GPS1: variants seen among roughly 807,000 people sequenced by gnomAD.
GPS1 encodes the protein G protein pathway suppressor 1.
In GPS1, 11 loss-of-function variants were observed where a neutral mutation model predicts 60.0. That is an observed-to-expected ratio of 0.18 (90% CI 0.12 to 0.30). GPS1 has a LOEUF of 0.30. Ranked by LOEUF, GPS1 falls within the 10% of genes least tolerant of loss-of-function variation. The pLI, the probability that GPS1 is intolerant of heterozygous loss-of-function variation, is 1.00. For missense variants in GPS1, 543 were observed against 669.2 expected (o/e 0.81, Z 2.08); for synonymous variants, 343 against 269.8 (o/e 1.27, Z -2.66).
At position 82,057,109 on chromosome 17, in the gene GPS1, G is replaced by A; in HGVS notation, c.1446G>A (p.Arg482=). 1.3e-6 allele frequency: 2 copies of A among 1,574,150 alleles called. No individual in the cohort carries two copies. Among genetic ancestry groups the A allele is most frequent in the Non-Finnish European group, 1.7e-6 (2 of 1,158,186 alleles). ...TGACTCCAGCCAACAGCCAGTCCCGGATGAGCACCAACATGTGAGGGGTGA... is the reference window on the plus strand; with the variant it reads ...TGACTCCAGCCAACAGCCAGTCCCGAATGAGCACCAACATGTGAGGGGTGA... ...GELTPANSQS[R]MSTNM Residue 482 remains arginine (R), a synonymous_variant, in exon 13 of 13, where the codon CGG becomes CGA. Transcript: ENST00000578552.
At position 82,055,192 on chromosome 17, in the gene GPS1, G is replaced by A; in HGVS notation, c.718G>A (p.Ala240Thr). 1.3e-6 allele frequency: 2 copies of A among 1,560,466 alleles called. No individual in the cohort carries two copies. The highest frequency in any genetic ancestry group is 1.7e-6 in the Non-Finnish European group (2 of 1,152,544). Residue 240 changes from alanine to threonine, a missense_variant, in exon 6 of 13, where the codon GCC (alanine) becomes ACC (threonine). By Grantham distance (58) the Ala-to-Thr change is moderately conservative. Around this residue, in one of 3 missense-constraint regions of GPS1, gnomAD observed 291 missense variants for 353.7 expected, o/e 0.82. Coordinates refer to ENST00000578552, the MANE Select transcript of GPS1 (RefSeq NM_001321092.3). Reference sequence around the variant, plus strand: ...AGGAGAGCGTGACAGCCAGACCCAGGCCATCCTCACCAAGCTCAAGTGTGC... The same window carrying A: ...AGGAGAGCGTGACAGCCAGACCCAGACCATCCTCACCAAGCTCAAGTGTGC... Reference protein sequence around the residue: ...QRGERDSQTQAILTKLKCAAG... With the variant: ...QRGERDSQTQTILTKLKCAAG...
rs768902661 is a variant in GPS1 at position 82,056,255 on chromosome 17, G to A, written c.930-31G>A. The stretch of plus-strand genomic sequence containing the variant: ...CCACTTGGAGGGAGGGGCAGGCAGA[G>A]GACAGAGTTCTGAGGGGTCTGCCTC... On this transcript the variant is annotated intron_variant, in intron 8 of 12. Coordinates refer to ENST00000578552, the MANE Select transcript of GPS1 (RefSeq NM_001321092.3). The A allele has an allele frequency of 4.7e-6, 7 of 1,496,294 alleles. No homozygotes were observed. The East Asian group carries it at 6.8e-5, about 14-fold the overall frequency. The allele number at this position is 1,496,294 out of a possible 1,614,324, so 92.7% of individuals were successfully genotyped here. A position where few individuals can be genotyped will look rare whatever the true frequency, so the allele number is the denominator to read the frequency against.
At chr17:82,052,184 C>CCGCCT in intron 1 of GPS1, 1 of 1,364,202 alleles carries the variant, frequency 7.3e-7, no homozygotes, top group Non-Finnish European at 9.9e-7. Flanking sequence ...CGCGCCCGCC[C>CCGCCT]CGCCTCCCCT....
rs767074207 is a variant in GPS1, at chr17:82,056,913, A to G, written c.1328A>G (p.Gln443Arg). 19 of 1,612,824 alleles carry G rather than the reference A, an allele frequency of 1.2e-5. No homozygotes were observed. Among genetic ancestry groups the G allele is most frequent in the Non-Finnish European group, 1.6e-5 (19 of 1,179,962 alleles). ...EKSLLMGKEF[Q>R]RRAKAMMLRA... is the part of the protein sequence containing the mutation. ...TCTCTGTTGATGGGCAAGGAGTTCC[A>G]GCGCCGCGCCAAGGCCATGATGCTG... The change falls in exon 12 of 13, where the codon CAG becomes CGG. Residue 443 changes from glutamine (Q) to arginine (R), a missense_variant. Physicochemically the swap from Gln to Arg is conservative, Grantham distance 43. Around this residue, in one of 3 missense-constraint regions of GPS1, gnomAD observed 291 missense variants for 353.7 expected, o/e 0.82. Transcript: ENST00000578552.
Position 82,054,781 on chromosome 17 carries a change from G to T in GPS1, c.580G>T (p.Val194Phe). Residue 194 changes from valine to phenylalanine, a missense_variant, in exon 4 of 13, where the codon GTC becomes TTC. Transcript: ENST00000578552. Reference sequence around the variant, plus strand: ...GGACTACTGCACCAGCGCCAAACACGTCATCAACATGTGCCTCAATGTCAT... The same window carrying T: ...GGACTACTGCACCAGCGCCAAACACTTCATCAACATGTGCCTCAATGTCAT... Reference protein sequence around the residue: ...ARDYCTSAKHVINMCLNVIKV... With the variant: ...ARDYCTSAKHFINMCLNVIKV... 1 of 1,606,528 alleles carries T rather than the reference G, an allele frequency of 6.2e-7. No individual in the cohort carries two copies. Among genetic ancestry groups the T allele is most frequent in the Non-Finnish European group, 8.5e-7 (1 of 1,176,090 alleles).
At position 82,055,781 on chromosome 17, in the gene GPS1, A is replaced by G; in HGVS notation, c.790A>G (p.Lys264Glu). ...LAARKYKQAA[K>E]CLLLASFDHC... ...CGCCAGGAAGTACAAGCAGGCTGCC[A>G]AGTGCCTCCTGCTGGCTTCCTTTGA... The change falls in exon 7 of 13, where the codon AAG (lysine) becomes GAG (glutamate). Residue 264 changes from lysine (K) to glutamate (E), a missense_variant. Lys to Glu is a moderately conservative substitution (Grantham distance 56). Coordinates refer to ENST00000578552, the MANE Select transcript of GPS1 (RefSeq NM_001321092.3). The G allele has an allele frequency of 6.4e-7, 1 of 1,557,132 alleles. No individual in the cohort carries two copies. Among genetic ancestry groups the G allele is most frequent in the Non-Finnish European group, 8.7e-7 (1 of 1,150,112 alleles).
In GPS1 at chr17:82,057,166, C is replaced by T. The variant is rs1488606670; in HGVS notation, c.*39C>T. 7.0e-6 allele frequency: 11 copies of T among 1,572,002 alleles called. No individual in the cohort carries two copies. The highest frequency in any genetic ancestry group is 9.5e-6 in the Non-Finnish European group (11 of 1,155,974). ...GCCTCCAGGACATCTGCACCCCCTC[C>T]CCACCTCCACGGACCTCGGACCTCC... On this transcript the variant is annotated 3_prime_UTR_variant, in exon 13 of 13. Transcript: ENST00000578552.
intron 2 of GPS1, 94 bp downstream of exon 2, chr17:82,053,460 ATCC>A: frequency 1.1e-6 from 1 of 907,180 alleles, no homozygotes; most frequent in Non-Finnish European, 1.6e-6. Context: ...AGGTAGAATG[ATCC>A]TCCTCAGTGA....
upstream of GPS1, chr17:82,051,538 G>A: frequency 7.1e-7 from 1 of 1,400,872 alleles, no homozygotes; most frequent in Non-Finnish European, 9.3e-7. The surrounding 1 kb of genome is among the most constrained non-coding windows in gnomAD (Gnocchi z 4.1). Flanking sequence ...CGCAGCAGCA[G>A]CCGCAGGCGC....
chr17:82,051,767 G>A (rs925044106), upstream of GPS1: 7 of 1,100,438 alleles, frequency 6.4e-6, no homozygotes, highest in African/African-American at 1.7e-5. This position sits in a 1 kb window ranked among gnomAD's most constrained non-coding sequence, Gnocchi z 4.1. Flanking sequence ...CGCGGCTCAT[G>A]CGGCCGCCGG....
At chr17:82,053,568 G>A (rs1490013933) in intron 2 of GPS1, 2 of 516,220 alleles carry the variant, frequency 3.9e-6, no homozygotes, top group Non-Finnish European at 6.7e-6. Context: ...TGCTCATGGA[G>A]AAGCCAGGGC....
At chr17:82,052,733 C>T (rs753482086) in intron 1 of GPS1, 1 of 484,778 alleles carries the variant, frequency 2.1e-6, no homozygotes, top group African/African-American at 1.9e-5. Flanking sequence ...GTCCTGGCTT[C>T]TCTGTGTCTC....
chr17:82,051,371 T>C (rs374008053), upstream of GPS1: 11 of 1,452,934 alleles, frequency 7.6e-6, no homozygotes, highest in African/African-American at 1.5e-4. This position sits in a 1 kb window ranked among gnomAD's most constrained non-coding sequence, Gnocchi z 4.1. Flanking sequence ...ATGAGGCTTC[T>C]GGGGCGCTGC....
intron 1 of GPS1, chr17:82,052,605 C>T (rs1195512811): frequency 7.1e-6 from 7 of 984,776 alleles, no homozygotes; most frequent in Admixed American, 2.9e-5. Context: ...CCGGTGGGCC[C>T]GGGGCCTGCG....
chr17:82,051,872 G>A (rs1188507542), upstream of GPS1: 6 of 1,148,738 alleles, frequency 5.2e-6, no homozygotes, highest in Non-Finnish European at 6.4e-6. This position sits in a 1 kb window ranked among gnomAD's most constrained non-coding sequence, Gnocchi z 4.1. Context: ...CCCGCGCCCC[G>A]GAAGCGACGG....
At chr17:82,056,585 G>A (rs375843124) in intron 10 of GPS1, 35 bp downstream of exon 10, 43 of 1,612,316 alleles carry the variant, frequency 2.7e-5, no homozygotes, top group Admixed American at 8.3e-5. Context: ...CACGGCAGGC[G>A]GGCATGCAGG....
intron 9 of GPS1, 34 bp downstream of exon 9, chr17:82,056,425 C>T: frequency 1.9e-6 from 3 of 1,612,656 alleles, no homozygotes; most frequent in African/African-American, 1.3e-5. Flanking sequence ...TGAGGTGGGG[C>T]CCTGCCTGGC....
chr17:82,052,462 A>T, intron 1 of GPS1: 7 of 1,607,216 alleles, frequency 4.4e-6, no homozygotes, highest in Non-Finnish European at 5.9e-6. Context: ...TCTACGAGGT[A>T]CCTTCCAGGA....
upstream of GPS1, chr17:82,051,058 T>C: frequency 4.3e-6 from 6 of 1,383,514 alleles, no homozygotes; most frequent in Non-Finnish European, 5.6e-6. The surrounding 1 kb of genome is among the most constrained non-coding windows in gnomAD (Gnocchi z 4.1). Flanking sequence ...TCAGGGGACG[T>C]GGCACTAGCC....
Sources: gnomAD v4.1 joint callset for allele counts on GRCh38, gnomAD v4.1.1 for gene constraint, gnomAD v4.1.1 regional missense constraint, Gnocchi (gnomAD v3.1) non-coding constraint, MANE v1.5 for transcripts, NCBI Gene and HGNC (gene_info 2026-07-23, HGNC 2026-07-21) for gene names.